The following MYBL1 variants were observed in gnomAD, a reference collection of about 807,000 sequenced individuals.
The protein encoded by MYBL1 is myb-related protein A.
Under a neutral mutation model 96.3 loss-of-function variants are expected in MYBL1, and 17 were observed. That is an observed-to-expected ratio of 0.18 (90% CI 0.12 to 0.26). MYBL1 has a LOEUF of 0.26. Ranked by LOEUF, MYBL1 falls within the 10% of genes least tolerant of loss-of-function variation. The probability of loss-of-function intolerance (pLI) is 1.00; values close to 1 mark genes in which losing one functional copy is unlikely to be tolerated. For missense variants in MYBL1, 701 were observed against 882.9 expected (o/e 0.79, Z 2.61); for synonymous variants, 282 against 292.7 (o/e 0.96, Z 0.37).
chr8:66,609,049 A>G (rs931517676), intron 1 of MYBL1, among the ~76,000 whole-genome samples: 2 of 152,136 alleles, frequency 1.3e-5, no homozygotes, highest in African/African-American at 4.8e-5. Context: ...GGTGATTATA[A>G]AACAGTCAAA....
intron 15 of MYBL1, among the ~76,000 whole-genome samples, chr8:66,565,671 A>C (rs1808476327): frequency 6.6e-6 from 1 of 152,124 alleles, no homozygotes; most frequent in Non-Finnish European, 1.5e-5. Flanking sequence ...TGAGCCAAAA[A>C]GTTCACTGGA....
chr8:66,613,018 G>T lies in MYBL1; in HGVS notation c.-180C>A. The T allele has an allele frequency of 1.6e-6, 1 of 630,386 alleles. No individual in the cohort carries two copies. The highest frequency in any genetic ancestry group is 2.3e-6 in the Non-Finnish European group (1 of 432,284). 39.0% of individuals were successfully genotyped at this position (630,386 alleles called of 1,614,324 possible). The stretch of plus-strand genomic sequence containing the variant: ...CGGAGGGACAGCGGGGGCGGACCGC[G>T]ACCCGACCCCGACCCCGGCCCGCAG... On this transcript the variant is annotated 5_prime_UTR_variant, in exon 1 of 16. Transcript: ENST00000522677.
chr8:66,613,216 T>C lies in MYBL1; in HGVS notation c.-378A>G. 5.0e-6 allele frequency: 2 copies of C among 399,930 alleles called. No homozygotes were observed. The highest frequency in any genetic ancestry group is 8.9e-6 in the Non-Finnish European group (2 of 225,930). The allele number at this position is 399,930 out of a possible 1,614,324, so 24.8% of individuals were successfully genotyped here. A position where few individuals can be genotyped will look rare whatever the true frequency, so the allele number is the denominator to read the frequency against. Reference sequence around the variant, plus strand: ...CCCTCTCCCCCGCAGCTAGCAGTTCTGCAGGGCTCGCAGTCTCCTGCAGGG... The same window carrying C: ...CCCTCTCCCCCGCAGCTAGCAGTTCCGCAGGGCTCGCAGTCTCCTGCAGGG... On this transcript the variant is annotated 5_prime_UTR_variant, in exon 1 of 16. Transcript: ENST00000522677.
intron 1 of MYBL1, among the ~76,000 whole-genome samples, chr8:66,605,556 C>T (rs1055815424): frequency 6.6e-6 from 1 of 152,164 alleles, no homozygotes; most frequent in Non-Finnish European, 1.5e-5. Context: ...CGCAGTGGCT[C>T]CCACCTGTAA....
chr8:66,584,070 C>G (rs188859972), intron 8 of MYBL1, among the ~76,000 whole-genome samples: 8 of 152,004 alleles, frequency 5.3e-5, no homozygotes, highest in Non-Finnish European at 1.2e-4. Context: ...GGAATTTATC[C>G]CAGGGATGTA....
chr8:66,582,265 T>C (rs1312324860), intron 8 of MYBL1, among the ~76,000 whole-genome samples: 1 of 151,986 alleles, frequency 6.6e-6, no homozygotes, highest in Admixed American at 6.6e-5. Context: ...TAAAAACACA[T>C]GACCCAACTA....
chr8:66,591,903 A>G (rs1431963987), intron 8 of MYBL1, among the ~76,000 whole-genome samples: 2 of 152,090 alleles, frequency 1.3e-5, no homozygotes, highest in South Asian at 4.1e-4. Flanking sequence ...TCTGCTTTGC[A>G]TTTATGACTC....
intron 8 of MYBL1, among the ~76,000 whole-genome samples, chr8:66,588,683 T>C (rs1809515712): frequency 1.3e-5 from 2 of 152,234 alleles, no homozygotes; most frequent in Admixed American, 1.3e-4. Flanking sequence ...GCTCAATGGA[T>C]ACTCAGTAAA....
chr8:66,566,697 A>G lies in MYBL1; in HGVS notation c.1937T>C (p.Ile646Thr), dbSNP rs1010855807. 6 of 1,593,392 alleles carry G rather than the reference A, an allele frequency of 3.8e-6. No individual in the cohort carries two copies. The highest frequency in any genetic ancestry group is 5.2e-6 in the Non-Finnish European group (6 of 1,163,442). The change falls in exon 14 of 16, where the codon ATT becomes ACT. Residue 646 changes from isoleucine (I) to threonine (T), a missense_variant. Ile to Thr is a moderately conservative substitution (Grantham distance 89). Around this residue, in one of 5 missense-constraint regions of MYBL1, gnomAD observed 137 missense variants for 137.5 expected, o/e 1.00. Coordinates refer to ENST00000522677, the MANE Select transcript of MYBL1 (RefSeq NM_001080416.4). Reference sequence around the variant, plus strand: ...TCCTTTACAAACCTGCATGTCTGAAATGTCTTCAGTCAACAGTTGAGTGCC... The same window carrying G: ...TCCTTTACAAACCTGCATGTCTGAAGTGTCTTCAGTCAACAGTTGAGTGCC... The part of the protein sequence containing the change: ...ESGTQLLTED[I>T]SDMQSENRFT...
intron 4 of MYBL1, 45 bp from the exon 5 acceptor site, chr8:66,597,595 G>C (rs1347433297): frequency 3.4e-6 from 4 of 1,184,546 alleles, no homozygotes; most frequent in Non-Finnish European, 3.6e-6. Context: ...TACCTTCAAA[G>C]AATTTTAAAA....
intron 10 of MYBL1, 117 bp from the exon 11 acceptor site, chr8:66,573,623 T>C: frequency 1.1e-6 from 1 of 932,726 alleles, no homozygotes; most frequent in Non-Finnish European, 1.5e-6. Flanking sequence ...AGCTTATGAA[T>C]AATATTACAC....
At chr8:66,588,750 G>A (rs191310458) in intron 8 of MYBL1, among the ~76,000 whole-genome samples, 111 of 152,282 alleles carry the variant, frequency 7.3e-4, no homozygotes, top group African/African-American at 6.7e-4. Context: ...GGGAGGGCAC[G>A]GTGGCTCATG....
At chr8:66,579,236 T>TA (rs1030887210) in intron 9 of MYBL1, among the ~76,000 whole-genome samples, 5 of 151,106 alleles carry the variant, frequency 3.3e-5, no homozygotes, top group African/African-American at 9.7e-5. Context: ...ATAATAATAA[T>TA]AAAAAAATTA....
intron 8 of MYBL1, among the ~76,000 whole-genome samples, chr8:66,591,876 TAA>T (rs1388654570): frequency 6.6e-6 from 1 of 152,124 alleles, no homozygotes; most frequent in Non-Finnish European, 1.5e-5. Flanking sequence ...CACACATATA[TAA>T]GATTTTACTT....
chr8:66,571,487 A>G (rs1480461488), intron 12 of MYBL1, among the ~76,000 whole-genome samples: 1 of 152,176 alleles, frequency 6.6e-6, no homozygotes, highest in Non-Finnish European at 1.5e-5. Context: ...TTTCCTAAAT[A>G]TTATCATGAA....
intron 8 of MYBL1, among the ~76,000 whole-genome samples, chr8:66,590,535 T>G (rs752255980): frequency 4.0e-5 from 6 of 149,772 alleles, no homozygotes; most frequent in Non-Finnish European, 8.9e-5. Flanking sequence ...GGCAGGAGAA[T>G]CACTTGAACC....
chr8:66,589,676 G>A (rs967340566), intron 8 of MYBL1, among the ~76,000 whole-genome samples: 1 of 151,898 alleles, frequency 6.6e-6, no homozygotes. Flanking sequence ...TAGAGATGGG[G>A]TCTCACTATG....
Position 66,577,234 on chromosome 8 carries a change from C to T in MYBL1, c.1102-859G>A, listed in dbSNP as rs568635725. Among the ~76,000 whole-genome samples the T allele has an allele frequency of 5.4e-5, 8 of 148,914 alleles. No homozygotes were observed. In the East Asian group the frequency reaches 5.9e-4, roughly 11 times the overall value. ...TGTTGGAAGTTCTGGCCAGGGCAAT[C>T]AGGCAGGAGAAGGAAATAAAGGGTA... On this transcript the variant is annotated intron_variant, in intron 9 of 15. Coordinates refer to ENST00000522677, the MANE Select transcript of MYBL1 (RefSeq NM_001080416.4).
At chr8:66,602,198 T>C (rs954734559) in intron 2 of MYBL1, among the ~76,000 whole-genome samples, 8 of 151,862 alleles carry the variant, frequency 5.3e-5, no homozygotes, top group East Asian at 1.9e-4. Flanking sequence ...ATTACAGACA[T>C]GCGCCACCAT....
Sources: gnomAD v4.1 joint callset for allele counts (sites outside exome capture counted in the v4.1 genomes callset) on GRCh38, gnomAD v4.1.1 for gene constraint, gnomAD v4.1.1 regional missense constraint, MANE v1.5 for transcripts, NCBI Gene and HGNC (gene_info 2026-07-23, HGNC 2026-07-21) for gene names.